Variants in RFFL observed in about 807,000 individuals in gnomAD.
The protein encoded by RFFL is E3 ubiquitin-protein ligase rififylin.
RFFL carries 16 observed loss-of-function variants against 40.4 expected under a neutral mutation model. The ratio of observed to expected loss-of-function variants is 0.40; its 90% CI spans 0.27 to 0.60. The LOEUF (loss-of-function observed/expected upper bound fraction) is 0.60, where lower values mean the gene tolerates loss of function less well. Among genes scored for constraint, RFFL ranks in the 20% least tolerant of loss-of-function variants. RFFL has a pLI of 0.47. For missense variants in RFFL, 367 were observed against 451.7 expected, an observed-to-expected ratio of 0.81 and a Z score of 1.70; for synonymous variants, 154 against 167.9, an observed-to-expected ratio of 0.92 and a Z score of 0.64.
rs76085743 is a variant in RFFL, at chr17:35,074,010, A to G, written c.-9+15095T>C. 737 of 152,334 alleles carry G rather than the reference A, an allele frequency of 4.8e-3. 10 individuals are homozygous for G. Among genetic ancestry groups the G allele is most frequent in the African/African-American group, 0.017 (700 of 41,574 alleles). The allele number at this position is 152,334 out of a possible 1,614,324, so 9.4% of individuals were successfully genotyped here. The stretch of plus-strand genomic sequence containing the variant: ...ACATCATTTTTAAATCACATTCCAC[A>G]CAAGTAGGCCCATGTAGTTTTATGA... On this transcript the variant is annotated intron_variant, in intron 1 of 6. Coordinates refer to the RFFL transcript ENST00000315249.
At position 35,021,462 on chromosome 17, in the gene RFFL, G is replaced by T. The variant is rs775222819; in HGVS notation, c.500C>A (p.Ser167Tyr). Reference sequence around the variant, plus strand: ...GGGTGAGGTAGGTGGAACCATGCTGGAGTGAGGCTGGGTCAGGAAGGCCTG... The same window carrying T: ...GGGTGAGGTAGGTGGAACCATGCTGTAGTGAGGCTGGGTCAGGAAGGCCTG... Reference protein sequence around the residue: ...EQQAFLTQPHSSMVPPTSPNL... With the variant: ...EQQAFLTQPHYSMVPPTSPNL... Residue 167 changes from serine (S) to tyrosine (Y), a missense_variant, in exon 3 of 7, where the codon TCC becomes TAC. Transcript: ENST00000394597. 4.8e-5 allele frequency: 75 copies of T among 1,570,550 alleles called. No homozygotes were observed. The highest frequency in any genetic ancestry group is 6.4e-5 in the Non-Finnish European group (74 of 1,159,870).
chr17:35,046,579 G>A (rs1163269119), intron 1 of RFFL, among the ~76,000 whole-genome samples: 1 of 152,192 alleles, frequency 6.6e-6, no homozygotes, highest in Non-Finnish European at 1.5e-5. Context: ...AGGGGGAAAG[G>A]AGAGAGATTT....
chr17:35,019,254 A>G (rs1211137502), intron 3 of RFFL, among the ~76,000 whole-genome samples: 1 of 152,212 alleles, frequency 6.6e-6, no homozygotes, highest in Non-Finnish European at 1.5e-5. Flanking sequence ...TGAAAATCTC[A>G]GAGGAAAAGT....
At chr17:35,065,322 G>A (rs762056662), upstream of RFFL, among the ~76,000 whole-genome samples, 3 of 152,214 alleles carry the variant, frequency 2.0e-5, no homozygotes, top group African/African-American at 4.8e-5. Context: ...TTGGAAGGCC[G>A]AGGTGGGCGG....
At chr17:35,078,644 A>G (rs2091388873) in intron 1 of RFFL, among the ~76,000 whole-genome samples, 1 of 152,200 alleles carries the variant, frequency 6.6e-6, no homozygotes, top group Non-Finnish European at 1.5e-5. Context: ...TGTGTAATAC[A>G]TAACAGCAAA....
chr17:35,041,474 T>C (rs1357213515), intron 1 of RFFL, among the ~76,000 whole-genome samples: 6 of 152,064 alleles, frequency 3.9e-5, no homozygotes, highest in African/African-American at 1.2e-4. Flanking sequence ...AGAATAAAAA[T>C]AATCACTTCT....
chr17:35,045,930 G>A (rs548138247), intron 1 of RFFL, among the ~76,000 whole-genome samples: 2 of 151,764 alleles, frequency 1.3e-5, no homozygotes, highest in African/African-American at 4.8e-5. Context: ...GGAGGCTGAG[G>A]CAGGAGTATC....
chr17:35,028,628 T>A (rs767940247), intron 1 of RFFL, among the ~76,000 whole-genome samples: 4 of 152,064 alleles, frequency 2.6e-5, no homozygotes, highest in Admixed American at 6.5e-5. Flanking sequence ...GTGTTATTAT[T>A]TGATAATCAG....
intron 1 of RFFL, among the ~76,000 whole-genome samples, chr17:35,044,871 A>G (rs948981974): frequency 9.4e-6 from 1 of 106,342 alleles, no homozygotes; most frequent in South Asian, 3.1e-4. Context: ...CTGTGCTCTC[A>G]TAACATTTTT....
At chr17:35,038,086 G>A (rs1026841749) in intron 1 of RFFL, among the ~76,000 whole-genome samples, 13 of 152,000 alleles carry the variant, frequency 8.6e-5, no homozygotes, top group Non-Finnish European at 1.6e-4. Context: ...TCAGAAGTTC[G>A]AGACCAGCCT....
chr17:35,011,772 C>A lies in RFFL; in HGVS notation c.*196G>T, dbSNP rs1372479112. The A allele has an allele frequency of 3.9e-5, 23 of 588,538 alleles. No individual in the cohort carries two copies. Among genetic ancestry groups the A allele is most frequent in the Admixed American group, 1.5e-4 (5 of 33,090 alleles). The allele number at this position is 588,538 out of a possible 1,614,324, so 36.5% of individuals were successfully genotyped here. On this transcript the variant is annotated 3_prime_UTR_variant, in exon 7 of 7. Transcript: ENST00000394597. ...TGTGATTTATACAAGTTCCCACTGG[C>A]CTTGGGCTTTGCCAGCCAAGAGGTA...
At chr17:35,042,690 T>C (rs2091173905) in intron 1 of RFFL, among the ~76,000 whole-genome samples, 1 of 151,642 alleles carries the variant, frequency 6.6e-6, no homozygotes, top group African/African-American at 2.4e-5. Flanking sequence ...CTGGGCGTAG[T>C]GGCATGCACC....
chr17:35,041,520 A>G (rs960710776), intron 1 of RFFL, among the ~76,000 whole-genome samples: 2 of 151,818 alleles, frequency 1.3e-5, no homozygotes, highest in African/African-American at 4.8e-5. Flanking sequence ...TCTCCAATTC[A>G]TGCCGTGCTA....
intron 1 of RFFL, among the ~76,000 whole-genome samples, chr17:35,029,106 A>G (rs754601283): frequency 2.0e-5 from 3 of 151,980 alleles, no homozygotes; most frequent in South Asian, 2.1e-4. Flanking sequence ...CTCTGACTCA[A>G]TATAACCTGT....
At chr17:35,066,081 C>T (rs893254127), upstream of RFFL, among the ~76,000 whole-genome samples, 1 of 152,152 alleles carries the variant, frequency 6.6e-6, no homozygotes, top group Admixed American at 6.6e-5. Flanking sequence ...CGAGATTGCG[C>T]CACTGCAATC....
chr17:35,052,963 A>C (rs1472795507), intron 1 of RFFL, among the ~76,000 whole-genome samples: 1 of 152,238 alleles, frequency 6.6e-6, no homozygotes, highest in East Asian at 1.9e-4. Flanking sequence ...AAAGCACAAC[A>C]GAAACAAGGG....
Position 35,021,479 on chromosome 17 carries a change from G to A in RFFL, c.483C>T (p.Phe161=), listed in dbSNP as rs934794492. Residue 161 remains phenylalanine, a synonymous_variant, in exon 3 of 7, where the codon TTC becomes TTT. Coordinates refer to ENST00000394597, the MANE Select transcript of RFFL (RefSeq NM_001017368.2). ...CCATGCTGGAGTGAGGCTGGGTCAG[G>A]AAGGCCTGCTGCTCAGGAAAGTCTG... ...LSPDFPEQQA[F]LTQPHSSMVP... is the part of the protein sequence containing the mutation. The A allele has an allele frequency of 1.3e-6, 2 of 1,582,908 alleles. No individual in the cohort carries two copies. The highest frequency in any genetic ancestry group is 1.3e-5 in the African/African-American group (1 of 74,290).
intron 2 of RFFL, among the ~76,000 whole-genome samples, chr17:35,023,865 C>G (rs570185669): frequency 1.3e-5 from 2 of 152,292 alleles, no homozygotes; most frequent in African/African-American, 4.8e-5. Context: ...CTGAAATAAG[C>G]TGGCATCTGA....
upstream of RFFL, among the ~76,000 whole-genome samples, chr17:35,067,751 G>A (rs934828556): frequency 1.3e-5 from 2 of 152,052 alleles, no homozygotes; most frequent in East Asian, 3.8e-4. Flanking sequence ...CACTGCGCCC[G>A]GCCTTCCAAG....
Sources: allele counts gnomAD v4.1 joint callset (sites outside exome capture counted in the v4.1 genomes callset), GRCh38; gene constraint gnomAD v4.1.1; transcripts MANE v1.5; gene names NCBI Gene and HGNC (gene_info 2026-07-23, HGNC 2026-07-21).